Variants in M1AP observed in about 807,000 individuals in gnomAD.
M1AP encodes the protein meiosis 1 arrest protein.
M1AP carries 39 observed loss-of-function variants against 51.2 expected under a neutral mutation model. The ratio of observed to expected loss-of-function variants is 0.76; its 90% confidence interval spans 0.59 to 1.00. The LOEUF is 1.00. Among genes scored for constraint, M1AP ranks in the 50% least tolerant of loss-of-function variants. The pLI, the probability that M1AP is intolerant of heterozygous loss-of-function variation, is 0.00. For missense variants in M1AP, 545 were observed against 641.2 expected, an observed-to-expected ratio of 0.85 and a Z score of 1.62; for synonymous variants, 251 against 249.2, an observed-to-expected ratio of 1.01 and a Z score of -0.07.
rs528826811 is a variant in M1AP, at chr2:74,624,336, T to C, written c.241-9187A>G. 9.9e-4 allele frequency among the ~76,000 whole-genome samples: 151 copies of C among 152,354 alleles called. 2 individuals carry two copies. The highest frequency in any genetic ancestry group is 3.5e-3 in the African/African-American group (147 of 41,588). On this transcript the variant is annotated intron_variant, in intron 2 of 10. Coordinates refer to ENST00000421985, the MANE Select transcript of M1AP (RefSeq NM_001321739.2). ...ATTATTGACCTAGAACACTTGAGTA[T>C]GGCTAATATTTGTTGGACATCATGT...
intron 3 of M1AP, among the ~76,000 whole-genome samples, chr2:74,607,993 AT>A (rs1222265147): frequency 6.6e-6 from 1 of 152,176 alleles, no homozygotes; most frequent in Non-Finnish European, 1.5e-5. Flanking sequence ...GATAGCCCAT[AT>A]ACCCCTTGTC....
chr2:74,630,719 T>C (rs984826920), intron 2 of M1AP, among the ~76,000 whole-genome samples: 3 of 152,200 alleles, frequency 2.0e-5, no homozygotes, highest in Admixed American at 6.5e-5. Flanking sequence ...CATTTTTTTT[T>C]AATCCAGCCT....
At chr2:74,636,994 T>C (rs373643751) in intron 2 of M1AP, among the ~76,000 whole-genome samples, 2 of 152,350 alleles carry the variant, frequency 1.3e-5, no homozygotes, top group Admixed American at 6.5e-5. Context: ...GGAGTATTTA[T>C]CAAAATTAGA....
At chr2:74,583,991 C>T (rs1407394605) in intron 4 of M1AP, among the ~76,000 whole-genome samples, 3 of 152,182 alleles carry the variant, frequency 2.0e-5, no homozygotes, top group African/African-American at 7.2e-5. Flanking sequence ...ATATATCTGA[C>T]ACTCTGTGCC....
intron 7 of M1AP, among the ~76,000 whole-genome samples, chr2:74,572,014 A>G (rs1417776037): frequency 2.0e-5 from 3 of 151,796 alleles, no homozygotes; most frequent in Non-Finnish European, 1.5e-5. Flanking sequence ...AAAAAAAAAA[A>G]GAAAGAAAAC....
In M1AP at chr2:74,558,556, G is replaced by T; in HGVS notation, c.*160C>A. The stretch of plus-strand genomic sequence containing the variant: ...GTGTCGCTTCCAGACTTGAGGAGTG[G>T]GACAGCACTGAAACAGGACAGGAAG... On this transcript the variant is annotated 3_prime_UTR_variant, in exon 11 of 11. Coordinates refer to ENST00000421985, the MANE Select transcript of M1AP (RefSeq NM_001321739.2). 2.7e-6 allele frequency: 2 copies of T among 748,268 alleles called. No homozygotes were observed. The highest frequency in any genetic ancestry group is 4.3e-6 in the Non-Finnish European group (2 of 468,074). 46.4% of individuals were successfully genotyped at this position (748,268 alleles called of 1,614,324 possible).
In M1AP at chr2:74,629,717, A is replaced by C. The variant is rs1221264091; in HGVS notation, c.240+10319T>G. 3.3e-5 allele frequency among the ~76,000 whole-genome samples: 5 copies of C among 151,694 alleles called. No individual in the cohort carries two copies. The East Asian group carries it at 7.7e-4, about 23-fold the overall frequency. ...CAGTGAGCTGAGAACATGCCACTGC[A>C]CTCTAGCCCGGGCGGCAGAGCAAGA... On this transcript the variant is annotated intron_variant, in intron 2 of 10. Coordinates refer to ENST00000421985, the MANE Select transcript of M1AP (RefSeq NM_001321739.2).
At chr2:74,582,295 G>A (rs1290993929) in intron 4 of M1AP, among the ~76,000 whole-genome samples, 2 of 152,138 alleles carry the variant, frequency 1.3e-5, no homozygotes, top group Admixed American at 6.5e-5. Context: ...ATCTAGCCTA[G>A]AGACATTCTT....
At chr2:74,611,361 G>C (rs1030316099) in intron 3 of M1AP, among the ~76,000 whole-genome samples, 21 of 152,286 alleles carry the variant, frequency 1.4e-4, no homozygotes, top group Non-Finnish European at 2.5e-4. Context: ...ATTACTCACT[G>C]TTGGTCTGTT....
At chr2:74,568,561 G>A (rs1678531971) in intron 7 of M1AP, among the ~76,000 whole-genome samples, 1 of 152,226 alleles carries the variant, frequency 6.6e-6, no homozygotes. Flanking sequence ...GGAGAACAGA[G>A]AAACTAGCAG....
chr2:74,635,611 C>G (rs571112276), intron 2 of M1AP, among the ~76,000 whole-genome samples: 2 of 152,144 alleles, frequency 1.3e-5, no homozygotes, highest in South Asian at 2.1e-4. Flanking sequence ...CATTTTAGTG[C>G]CATAAATTTC....
At chr2:74,598,818 C>G (rs1303786693) in intron 4 of M1AP, among the ~76,000 whole-genome samples, 1 of 151,814 alleles carries the variant, frequency 6.6e-6, no homozygotes, top group Non-Finnish European at 1.5e-5. Flanking sequence ...GATGAGGTCT[C>G]ACTATGTTGT....
At chr2:74,571,457 A>C (rs747355236) in intron 7 of M1AP, among the ~76,000 whole-genome samples, 1 of 152,202 alleles carries the variant, frequency 6.6e-6, no homozygotes, top group Non-Finnish European at 1.5e-5. Context: ...ATTTTAAAAG[A>C]ACATATGAAA....
At chr2:74,618,412 GA>G (rs1260653737) in intron 2 of M1AP, among the ~76,000 whole-genome samples, 8 of 152,174 alleles carry the variant, frequency 5.3e-5, no homozygotes, top group Admixed American at 5.2e-4. Context: ...TGAAGAAAAA[GA>G]AACAGCAGAA....
chr2:74,621,295 A>G (rs1682016370), intron 2 of M1AP, among the ~76,000 whole-genome samples: 1 of 151,552 alleles, frequency 6.6e-6, no homozygotes. Context: ...AAAAACCCCA[A>G]AAAACAAAAA....
At chr2:74,602,754 C>G (rs998827746) in intron 4 of M1AP, among the ~76,000 whole-genome samples, 1 of 152,086 alleles carries the variant, frequency 6.6e-6, no homozygotes, top group Non-Finnish European at 1.5e-5. Flanking sequence ...ACTTAACCCA[C>G]AAAGAGGAAT....
At chr2:74,622,446 C>T (rs1275585243) in intron 2 of M1AP, among the ~76,000 whole-genome samples, 6 of 151,724 alleles carry the variant, frequency 4.0e-5, no homozygotes, top group Non-Finnish European at 8.8e-5. Context: ...CCATGTTGGG[C>T]AGGCTGGTCT....
At chr2:74,647,348 GC>G (rs1471906804) in intron 1 of M1AP, 1 of 985,144 alleles carries the variant, frequency 1.0e-6, no homozygotes, top group Non-Finnish European at 1.2e-6. Flanking sequence ...CTAGGTTAGG[GC>G]CCCTTTACAA....
chr2:74,608,875 G>A (rs930985871), intron 3 of M1AP, among the ~76,000 whole-genome samples: 12 of 152,096 alleles, frequency 7.9e-5, no homozygotes, highest in Admixed American at 5.9e-4. Flanking sequence ...TACCATTTGT[G>A]TACTTTCTTT....
Sources: gnomAD v4.1 joint callset for allele counts (sites outside exome capture counted in the v4.1 genomes callset) on GRCh38, gnomAD v4.1.1 for gene constraint, MANE v1.5 for transcripts, NCBI Gene and HGNC (gene_info 2026-07-23, HGNC 2026-07-21) for gene names.